Variants in AUTS2 observed in about 807,000 individuals in gnomAD.
The protein encoded by AUTS2 is autism susceptibility gene 2 protein.
A neutral mutation model predicts 112.4 loss-of-function variants in AUTS2; 17 were observed. The observed-to-expected ratio is 0.15, with a 90% confidence interval of 0.10 to 0.23. The LOEUF (loss-of-function observed/expected upper bound fraction) is 0.23, where lower values mean the gene tolerates loss of function less well. Ranked by LOEUF, AUTS2 falls within the 10% of genes least tolerant of loss-of-function variation. The pLI is 1.00. For synonymous variants in AUTS2, 751 were observed against 702.7 expected (o/e 1.07, Z -1.09); for missense variants, 1,510 against 1,701.6 (o/e 0.89, Z 1.98).
At chr7:70,043,578 TTCCTTCCTTCCTTCCTTCCTTCCTTCC>T (rs1405394136) in intron 2 of AUTS2, among the ~76,000 whole-genome samples, 24 of 115,606 alleles carry the variant, frequency 2.1e-4, no homozygotes, top group African/African-American at 8.4e-4. Context: ...CCTTCCTTCC[TTCCTTCCTTCCTTCCTTCCTTCCTTCC>T]TTTTTTTTTT....
intron 5 of AUTS2, among the ~76,000 whole-genome samples, chr7:70,509,143 A>G (rs566808446): frequency 1.4e-3 from 209 of 152,370 alleles, no homozygotes; most frequent in African/African-American, 4.9e-3. Flanking sequence ...CTTCGCAGCA[A>G]TAAGTGCCAT....
chr7:70,182,036 T>G (rs1809341758), intron 4 of AUTS2, among the ~76,000 whole-genome samples: 1 of 143,652 alleles, frequency 7.0e-6, no homozygotes, highest in South Asian at 2.2e-4. Context: ...TCTCCTGACC[T>G]CATGATCCGC....
intron 1 of AUTS2, among the ~76,000 whole-genome samples, chr7:69,729,275 T>C (rs1786668421): frequency 6.6e-6 from 1 of 152,076 alleles, no homozygotes; most frequent in Non-Finnish European, 1.5e-5. Context: ...TGCTTTTCTT[T>C]CTCAACTTAT....
At chr7:69,895,645 A>G (rs1355486811) in intron 1 of AUTS2, among the ~76,000 whole-genome samples, 1 of 151,158 alleles carries the variant, frequency 6.6e-6, no homozygotes, top group Non-Finnish European at 1.5e-5. Context: ...ATGTCACGGC[A>G]TGGGGTCCAT....
chr7:70,710,179 G>A (rs1414105297), intron 6 of AUTS2, among the ~76,000 whole-genome samples: 2 of 150,928 alleles, frequency 1.3e-5, no homozygotes, highest in African/African-American at 2.4e-5. Flanking sequence ...CTTCTCAAGT[G>A]GAATGACTGT....
chr7:70,219,347 T>C (rs907414936), intron 4 of AUTS2, among the ~76,000 whole-genome samples: 1 of 152,170 alleles, frequency 6.6e-6, no homozygotes, highest in African/African-American at 2.4e-5. Flanking sequence ...AACAACATGT[T>C]GTATAATCCA....
chr7:69,837,380 A>C (rs566942687), intron 1 of AUTS2, among the ~76,000 whole-genome samples: 2 of 152,150 alleles, frequency 1.3e-5, no homozygotes, highest in Admixed American at 1.3e-4. Context: ...AAGGTTACCC[A>C]GCTAGAACTT....
Position 69,821,881 on chromosome 7 carries a change from A to C in AUTS2, c.310-77405A>C, listed in dbSNP as rs907551355. On this transcript the variant is annotated intron_variant, in intron 1 of 18. Transcript: ENST00000342771. ...CAGTGAGCTGTGATTGCACCACTGC[A>C]CTCCAGCCTGGGCGATAGAGTGAGA... Among the ~76,000 whole-genome samples the C allele has an allele frequency of 2.1e-5, 3 of 143,948 alleles. No homozygotes were observed. In the East Asian group the frequency reaches 6.1e-4, roughly 29 times the overall value. 94.4% of individuals were successfully genotyped at this position (143,948 alleles called of 152,430 possible). A position where few individuals can be genotyped will look rare whatever the true frequency, so the allele number is the denominator to read the frequency against.
intron 4 of AUTS2, among the ~76,000 whole-genome samples, chr7:70,324,712 A>G (rs1188726149): frequency 6.6e-6 from 1 of 152,244 alleles, no homozygotes; most frequent in Admixed American, 6.5e-5. Context: ...CTAAGAAAGT[A>G]AGTCATACTC....
intron 6 of AUTS2, among the ~76,000 whole-genome samples, chr7:70,724,558 G>C (rs964675652): frequency 1.4e-5 from 2 of 146,928 alleles, no homozygotes; most frequent in Admixed American, 1.4e-4. Context: ...CCATTCTCCT[G>C]CCTCAGCCTC....
intron 2 of AUTS2, among the ~76,000 whole-genome samples, chr7:70,117,770 C>T (rs1167366439): frequency 1.0e-4 from 15 of 148,430 alleles, no homozygotes; most frequent in Admixed American, 2.7e-4. Flanking sequence ...TTTTGTGAGA[C>T]GGAGTCTTAA....
chr7:69,986,320 A>C (rs1798514200), intron 2 of AUTS2, among the ~76,000 whole-genome samples: 1 of 152,242 alleles, frequency 6.6e-6, no homozygotes. Flanking sequence ...TTGAATGGCC[A>C]AAACAAGCCC....
Position 69,762,062 on chromosome 7 carries a change from T to C in AUTS2, c.310-137224T>C, listed in dbSNP as rs563448536. 7.9e-5 allele frequency among the ~76,000 whole-genome samples: 12 copies of C among 152,286 alleles called. No homozygotes were observed. In the South Asian group the frequency reaches 2.5e-3, roughly 32 times the overall value. Reference sequence around the variant, plus strand: ...TATCCTAGTGGACTATAAATTACAATGTTCACTATTTGAGAGGACCCAAGC... The same window carrying C: ...TATCCTAGTGGACTATAAATTACAACGTTCACTATTTGAGAGGACCCAAGC... On this transcript the variant is annotated intron_variant, in intron 1 of 18. Transcript: ENST00000342771.
intron 1 of AUTS2, among the ~76,000 whole-genome samples, chr7:69,866,921 G>A (rs1320259160): frequency 6.6e-6 from 1 of 152,202 alleles, no homozygotes; most frequent in East Asian, 1.9e-4. Flanking sequence ...AAGACTCTTG[G>A]CCTTTAGGCC....
chr7:70,735,372 A>C (rs1209013175), intron 6 of AUTS2, among the ~76,000 whole-genome samples: 1 of 152,166 alleles, frequency 6.6e-6, no homozygotes, highest in Non-Finnish European at 1.5e-5. Context: ...TTCCTTTTTG[A>C]AGTTACAACA....
chr7:69,608,214 G>A (rs1313782457), intron 1 of AUTS2, among the ~76,000 whole-genome samples: 5 of 152,180 alleles, frequency 3.3e-5, no homozygotes, highest in East Asian at 1.9e-4. Context: ...GATTACAGAC[G>A]TGAGGCACTG....
rs73440769 is a variant in AUTS2, at chr7:70,384,204, G to C, written c.661-51548G>C. The stretch of plus-strand genomic sequence containing the variant: ...TCCATGGCTCTGCCATTTGCTCAGT[G>C]GGGGGACGTTTTCTTAGCTGAGCAG... On this transcript the variant is annotated intron_variant, in intron 4 of 18. Transcript: ENST00000342771. 7.9e-3 allele frequency among the ~76,000 whole-genome samples: 1,202 copies of C among 152,254 alleles called. 16 individuals carry two copies. The highest frequency in any genetic ancestry group is 0.028 in the African/African-American group (1,164 of 41,566).
At position 70,471,815 on chromosome 7, in the gene AUTS2, G is replaced by A. The variant is rs1280439970; in HGVS notation, c.690+36034G>A. ...AGATGTGGATCCGGTGGGTGTATGCGTGGTGGGGTCAGCGGGTGGGGAGAG... is the reference window on the plus strand; with the variant it reads ...AGATGTGGATCCGGTGGGTGTATGCATGGTGGGGTCAGCGGGTGGGGAGAG... On this transcript the variant is annotated intron_variant, in intron 5 of 18. Transcript: ENST00000342771. Among the ~76,000 whole-genome samples, 8 of 152,046 alleles carry A rather than the reference G, an allele frequency of 5.3e-5. No individual in the cohort carries two copies. In the South Asian group the frequency reaches 8.3e-4, roughly 16 times the overall value.
intron 1 of AUTS2, among the ~76,000 whole-genome samples, chr7:69,896,678 A>G (rs1794755941): frequency 6.6e-6 from 1 of 152,154 alleles, no homozygotes; most frequent in African/African-American, 2.4e-5. Context: ...TTATGTATTT[A>G]TTGACTAATA....
Sources: gnomAD v4.1 joint callset for allele counts (sites outside exome capture counted in the v4.1 genomes callset) on GRCh38, gnomAD v4.1.1 for gene constraint, MANE v1.5 for transcripts, NCBI Gene and HGNC (gene_info 2026-07-23, HGNC 2026-07-21) for gene names.